Variants in GAB1 observed in about 807,000 individuals in gnomAD.
GAB1 encodes the protein GRB2 associated binding protein 1, also known as GRB2-associated-binding protein 1.
GAB1 carries 19 observed loss-of-function variants against 66.5 expected under a neutral mutation model. The observed-to-expected ratio is 0.29, with a 90% CI of 0.20 to 0.42. The LOEUF (loss-of-function observed/expected upper bound fraction) is 0.42, where lower values mean the gene tolerates loss of function less well. Among genes scored for constraint, GAB1 ranks in the 10% least tolerant of loss-of-function variants. GAB1 has a pLI of 1.00. For missense variants in GAB1, 732 were observed against 858.5 expected (o/e 0.85, Z 1.84); for synonymous variants, 294 against 301.4 (o/e 0.98, Z 0.25).
Position 143,365,710 on chromosome 4 carries a change from A to G in GAB1, c.72+28450A>G, listed in dbSNP as rs1729856709. 1.3e-5 allele frequency among the ~76,000 whole-genome samples: 2 copies of G among 152,222 alleles called. 1 individual carries two copies. The highest frequency in any genetic ancestry group is 4.1e-4 in the South Asian group (2 of 4,832). ...ATGGTGGTTAGTGTCTGTTGGAACT[A>G]TACTGTATACTTAAGGGAGCTTTCG... On this transcript the variant is annotated intron_variant, in intron 1 of 9. Coordinates refer to ENST00000262994, the MANE Select transcript of GAB1 (RefSeq NM_002039.4).
At chr4:143,391,997 T>G (rs941760479) in intron 1 of GAB1, among the ~76,000 whole-genome samples, 7 of 152,240 alleles carry the variant, frequency 4.6e-5, no homozygotes, top group Non-Finnish European at 1.0e-4. Context: ...TGTCCTGAGC[T>G]GCCACATGGT....
intron 3 of GAB1, among the ~76,000 whole-genome samples, chr4:143,434,490 A>T (rs1283110302): frequency 6.6e-6 from 1 of 150,618 alleles, no homozygotes; most frequent in Admixed American, 6.6e-5. Flanking sequence ...GGTAGCTAGG[A>T]CTTCAGGTGC....
chr4:143,397,236 C>A (rs529727081), intron 1 of GAB1, among the ~76,000 whole-genome samples: 2 of 152,116 alleles, frequency 1.3e-5, no homozygotes, highest in East Asian at 3.9e-4. Context: ...TAGCAAAAAA[C>A]AAACAAAAAA....
intron 2 of GAB1, among the ~76,000 whole-genome samples, chr4:143,427,883 C>A (rs1005228325): frequency 1.3e-5 from 2 of 152,196 alleles, no homozygotes; most frequent in Admixed American, 1.3e-4. Flanking sequence ...AGTGAATACC[C>A]AGAGTATGTG....
chr4:143,411,187 C>T (rs1284176098), intron 1 of GAB1, among the ~76,000 whole-genome samples: 2 of 151,962 alleles, frequency 1.3e-5, no homozygotes, highest in Non-Finnish European at 2.9e-5. Context: ...GTGTACCCTG[C>T]CAGAGTTTGG....
At chr4:143,362,549 A>T (rs1038648411) in intron 1 of GAB1, among the ~76,000 whole-genome samples, 1 of 152,154 alleles carries the variant, frequency 6.6e-6, no homozygotes, top group African/African-American at 2.4e-5. Flanking sequence ...CCCAGAACTG[A>T]CAGTTTCTCC....
chr4:143,430,993 G>T (rs143350055), intron 2 of GAB1, among the ~76,000 whole-genome samples: 11 of 152,168 alleles, frequency 7.2e-5, no homozygotes, highest in African/African-American at 2.4e-4. Context: ...TTAAAGTCAC[G>T]TGAACTAAAA....
rs1734061428 is a variant in GAB1 at position 143,438,538 on chromosome 4, C to T, written c.1133C>T (p.Ala378Val). 1.2e-6 allele frequency: 2 copies of T among 1,613,206 alleles called. No individual in the cohort carries two copies. Among genetic ancestry groups the T allele is most frequent in the East Asian group, 2.2e-5 (1 of 44,866 alleles). The change falls in exon 4 of 10, where the codon GCA becomes GTA. Residue 378 changes from alanine (A) to valine (V), a missense_variant. Coordinates refer to ENST00000262994, the MANE Select transcript of GAB1 (RefSeq NM_002039.4). ...DTDSSYCIPT[A>V]GMSPSRSNTI... The stretch of plus-strand genomic sequence containing the variant: ...GACAGTAGTTACTGTATCCCTACAG[C>T]AGGGATGTCGCCTTCACGTAGTAAT...
intron 8 of GAB1, among the ~76,000 whole-genome samples, chr4:143,460,901 G>A (rs1353898358): frequency 2.6e-5 from 4 of 152,102 alleles, no homozygotes; most frequent in East Asian, 1.9e-4. Flanking sequence ...GAAAATATAC[G>A]GGCAGCATTT....
intron 4 of GAB1, 197 bp from the exon 5 acceptor site, chr4:143,439,605 A>G: frequency 1.8e-6 from 1 of 552,458 alleles, no homozygotes; most frequent in Non-Finnish European, 3.2e-6. Flanking sequence ...TGGTTAGCAT[A>G]TGAGTGAGTG....
chr4:143,460,269 TGAAA>T, intron 7 of GAB1, 91 bp from the exon 8 acceptor site: 2 of 1,207,928 alleles, frequency 1.7e-6, no homozygotes, highest in Non-Finnish European at 2.4e-6. Context: ...GGAATATTTC[TGAAA>T]GAATGCAGAC....
At chr4:143,353,363 G>C (rs1729306949) in intron 1 of GAB1, among the ~76,000 whole-genome samples, 1 of 152,146 alleles carries the variant, frequency 6.6e-6, no homozygotes, top group Admixed American at 6.5e-5. Context: ...TTCCAACTTT[G>C]TGTTTGTGTA....
chr4:143,394,069 C>T (rs1731316403), intron 1 of GAB1, among the ~76,000 whole-genome samples: 1 of 152,054 alleles, frequency 6.6e-6, no homozygotes, highest in Non-Finnish European at 1.5e-5. Flanking sequence ...GTCAGGAGAT[C>T]GAGACCATCC....
chr4:143,439,864 C>T lies in GAB1; in HGVS notation c.1258C>T (p.Leu420Phe), dbSNP rs1282365521. 6.2e-7 allele frequency: 1 copy of T among 1,612,882 alleles called. No individual in the cohort carries two copies. Among genetic ancestry groups the T allele is most frequent in the Admixed American group, 1.7e-5 (1 of 59,992 alleles). ...ATTTCCAAGTGATAGATCTAGTTCA[C>T]TTGAAGGCTTCCATAACCACTTTGT... is the stretch of plus-strand genomic sequence containing the variant. ...RAFPSDRSSS[L>F]EGFHNHFKVK... is the part of the protein sequence containing the mutation. Residue 420 changes from leucine (L) to phenylalanine (F), a missense_variant, in exon 5 of 10, where the codon CTT becomes TTT. This residue lies in a region of GAB1 where 427 missense variants were observed against 420.6 expected (regional missense o/e 1.02). Coordinates refer to ENST00000262994, the MANE Select transcript of GAB1 (RefSeq NM_002039.4).
rs1227058250 is a variant in GAB1 at position 143,342,369 on chromosome 4, C to T, written c.72+5109C>T. On this transcript the variant is annotated intron_variant, in intron 1 of 9. Transcript: ENST00000262994. ...AGTTATAGTTGGATAATCTGTTTGA[C>T]AAGTGACTGGTTATTTCAGTGTATT... Among the ~76,000 whole-genome samples the T allele has an allele frequency of 2.6e-5, 4 of 152,046 alleles. No homozygotes were observed. The East Asian group carries it at 7.7e-4, about 29-fold the overall frequency.
chr4:143,338,904 C>A (rs1222856225), intron 1 of GAB1, among the ~76,000 whole-genome samples: 1 of 152,118 alleles, frequency 6.6e-6, no homozygotes, highest in African/African-American at 2.4e-5. Flanking sequence ...TCATGGCTCA[C>A]TCAAAAGACG....
At chr4:143,347,567 C>G (rs879828809) in intron 1 of GAB1, among the ~76,000 whole-genome samples, 4 of 152,204 alleles carry the variant, frequency 2.6e-5, no homozygotes, top group Non-Finnish European at 5.9e-5. Context: ...TCCTTTCCGT[C>G]AGAGTGAATG....
intron 1 of GAB1, among the ~76,000 whole-genome samples, chr4:143,354,047 G>A (rs1464866086): frequency 6.6e-6 from 1 of 152,170 alleles, no homozygotes; most frequent in African/African-American, 2.4e-5. Context: ...TTGCTCTGAA[G>A]TGAATAGAAG....
chr4:143,409,551 G>T (rs1490353437), intron 1 of GAB1, among the ~76,000 whole-genome samples: 1 of 152,036 alleles, frequency 6.6e-6, no homozygotes, highest in Admixed American at 6.6e-5. Context: ...TTAATGTCCA[G>T]TTGGGAAAAT....
Sources: allele counts gnomAD v4.1 joint callset (sites outside exome capture counted in the v4.1 genomes callset), GRCh38; gene constraint gnomAD v4.1.1; regional missense constraint gnomAD v4.1.1; transcripts MANE v1.5; gene names NCBI Gene and HGNC (gene_info 2026-07-23, HGNC 2026-07-21).